The following VSTM4 variants were observed in gnomAD, a reference collection of about 807,000 sequenced individuals.
VSTM4 encodes V-set and transmembrane domain-containing protein 4.
VSTM4 carries 20 observed loss-of-function variants against 36.4 expected under a neutral mutation model. That is an observed-to-expected ratio of 0.55 (90% CI 0.39 to 0.80). VSTM4 has a LOEUF of 0.80. VSTM4 is among the 30% of genes least tolerant of loss of function. The probability of loss-of-function intolerance (pLI) is 0.00; values close to 1 mark genes in which losing one functional copy is unlikely to be tolerated. For synonymous variants in VSTM4, 182 were observed against 173.9 expected (o/e 1.05, Z -0.37); for missense variants, 392 against 404.5 (o/e 0.97, Z 0.26).
intron 7 of VSTM4, among the ~76,000 whole-genome samples, chr10:49,037,341 G>A (rs568223349): frequency 1.9e-4 from 29 of 152,324 alleles, no homozygotes; most frequent in Admixed American, 1.6e-3. Context: ...CTGGGACCTC[G>A]TTAATTGCAG....
intron 5 of VSTM4, among the ~76,000 whole-genome samples, chr10:49,053,596 C>T (rs539884537): frequency 6.6e-6 from 1 of 152,288 alleles, no homozygotes; most frequent in South Asian, 2.1e-4. Context: ...TGTGAAACAG[C>T]TAAATAGCAA....
chr10:49,034,610 T>C (rs946029568), intron 7 of VSTM4, among the ~76,000 whole-genome samples: 1 of 152,260 alleles, frequency 6.6e-6, no homozygotes, highest in African/African-American at 2.4e-5. Flanking sequence ...AAATGCACCA[T>C]AAGTTTATTG....
intron 7 of VSTM4, among the ~76,000 whole-genome samples, chr10:49,020,765 G>T (rs1392115593): frequency 1.0e-5 from 1 of 96,682 alleles, no homozygotes; most frequent in South Asian, 3.9e-4. Flanking sequence ...GGGAGGGAGG[G>T]AGGGAGGCAG....
chr10:49,083,951 A>ATTCTGATGC (rs1440487753), intron 3 of VSTM4, among the ~76,000 whole-genome samples: 4 of 152,146 alleles, frequency 2.6e-5, no homozygotes, highest in Admixed American at 6.5e-5. Context: ...TCCCTGGAAG[A>ATTCTGATGC]TTCTGATGCA....
chr10:49,041,187 AGATGCTAGGCCT>A (rs1266421097), intron 7 of VSTM4, among the ~76,000 whole-genome samples: 3 of 152,196 alleles, frequency 2.0e-5, no homozygotes, highest in African/African-American at 7.2e-5. Context: ...CAAAAACTGC[AGATGCTAGGCCT>A]GATATTTTTG....
At chr10:49,022,102 G>C (rs1843189708) in intron 7 of VSTM4, among the ~76,000 whole-genome samples, 3 of 148,114 alleles carry the variant, frequency 2.0e-5, no homozygotes, top group African/African-American at 7.4e-5. Context: ...TTTTGTAGTA[G>C]GCATTTTTTA....
intron 7 of VSTM4, among the ~76,000 whole-genome samples, chr10:49,036,107 G>C (rs1843426471): frequency 6.6e-6 from 1 of 152,182 alleles, no homozygotes; most frequent in African/African-American, 2.4e-5. Context: ...GGAGAGATAT[G>C]ATCTTGATCA....
intron 3 of VSTM4, among the ~76,000 whole-genome samples, chr10:49,080,045 C>A (rs1303975030): frequency 1.3e-5 from 2 of 152,144 alleles, no homozygotes; most frequent in Non-Finnish European, 1.5e-5. Context: ...CAATCTCTTA[C>A]TATTGGCTAC....
intron 2 of VSTM4, chr10:49,102,447 A>T (rs1017167303): frequency 1.0e-6 from 1 of 985,262 alleles, no homozygotes; most frequent in African/African-American, 1.7e-5. Context: ...TCTTTTATGT[A>T]TAATATTTTT....
At chr10:49,084,934 C>T (rs1210702122) in intron 3 of VSTM4, among the ~76,000 whole-genome samples, 2 of 152,252 alleles carry the variant, frequency 1.3e-5, no homozygotes, top group African/African-American at 4.8e-5. Context: ...TTGGCATCAT[C>T]CTTGGCCCCT....
intron 5 of VSTM4, among the ~76,000 whole-genome samples, chr10:49,060,605 CT>C (rs1030840283): frequency 6.6e-6 from 1 of 152,082 alleles, no homozygotes; most frequent in African/African-American, 2.4e-5. Context: ...GGAACAAGTT[CT>C]TTATCGGTTA....
intron 4 of VSTM4, among the ~76,000 whole-genome samples, chr10:49,067,449 T>C (rs1396913164): frequency 6.6e-6 from 1 of 152,262 alleles, no homozygotes; most frequent in African/African-American, 2.4e-5. Flanking sequence ...TACTTCAGAA[T>C]GTGACTGTAT....
At position 49,070,764 on chromosome 10, in the gene VSTM4, G is replaced by A. The variant is rs567485635; in HGVS notation, c.635-6028C>T. The stretch of plus-strand genomic sequence containing the variant: ...ACCAACCCCCACAAAGGAAAGATGG[G>A]TGCTCAGGGGGCCTGACCAGAGAGC... On this transcript the variant is annotated intron_variant, in intron 4 of 7. Coordinates refer to ENST00000332853, the MANE Select transcript of VSTM4 (RefSeq NM_001031746.5). Among the ~76,000 whole-genome samples, 7 of 152,352 alleles carry A rather than the reference G, an allele frequency of 4.6e-5. No individual in the cohort carries two copies. The South Asian group carries it at 1.5e-3, about 32-fold the overall frequency.
chr10:49,064,769 C>A lies in VSTM4; in HGVS notation c.635-33G>T, dbSNP rs575278239. The A allele has an allele frequency of 1.0e-5, 16 of 1,603,964 alleles. No individual in the cohort carries two copies. In the African/African-American group the frequency reaches 2.0e-4, roughly 20 times the overall value. On this transcript the variant is annotated intron_variant, in intron 4 of 7. Coordinates refer to ENST00000332853, the MANE Select transcript of VSTM4 (RefSeq NM_001031746.5). ...AGGAAAAATAATAGAAGATGGTAAA[C>A]CAATGCTACTTCAGATATATATGCT...
intron 5 of VSTM4, among the ~76,000 whole-genome samples, chr10:49,061,970 C>A (rs1843885469): frequency 6.6e-6 from 1 of 152,134 alleles, no homozygotes; most frequent in Admixed American, 6.5e-5. Context: ...GTGTTACTTG[C>A]ATAAATTTTA....
chr10:49,049,158 C>G (rs1334566627), intron 5 of VSTM4, among the ~76,000 whole-genome samples: 1 of 152,130 alleles, frequency 6.6e-6, no homozygotes. Context: ...GCACCTTTAC[C>G]TTTAGGACAG....
intron 4 of VSTM4, among the ~76,000 whole-genome samples, chr10:49,074,777 T>G (rs1277255344): frequency 6.6e-6 from 1 of 152,194 alleles, no homozygotes; most frequent in African/African-American, 2.4e-5. Context: ...AAAATTCCCT[T>G]GGCAAGGTCA....
In VSTM4 at chr10:49,058,404, G is replaced by A. The variant is rs545308351; in HGVS notation, c.668+6299C>T. Among the ~76,000 whole-genome samples the A allele has an allele frequency of 9.2e-5, 14 of 152,230 alleles. No homozygotes were observed. The South Asian group carries it at 1.9e-3, about 20-fold the overall frequency. The stretch of plus-strand genomic sequence containing the variant: ...ACTGGGGGGATTTCGTTTTCACTCC[G>A]GGTTTCCAGGAATTTTGGAGCAATT... On this transcript the variant is annotated intron_variant, in intron 5 of 7. Transcript: ENST00000332853.
chr10:49,060,564 ATTGAG>A (rs1337850948), intron 5 of VSTM4, among the ~76,000 whole-genome samples: 7 of 152,158 alleles, frequency 4.6e-5, no homozygotes, highest in African/African-American at 1.7e-4. Flanking sequence ...TCACCTCATT[ATTGAG>A]TTGTGAGAGG....
Sources: gnomAD v4.1 joint callset for allele counts (sites outside exome capture counted in the v4.1 genomes callset) on GRCh38, gnomAD v4.1.1 for gene constraint, MANE v1.5 for transcripts, NCBI Gene and HGNC (gene_info 2026-07-23, HGNC 2026-07-21) for gene names.